Variants in CACNG3 observed in about 807,000 individuals in gnomAD.
CACNG3 encodes voltage-dependent calcium channel gamma-3 subunit.
CACNG3 carries 3 observed loss-of-function variants against 28.5 expected under a neutral mutation model. The observed-to-expected ratio is 0.11, with a 90% CI of 0.05 to 0.27. CACNG3 has a LOEUF of 0.27. Ranked by LOEUF, CACNG3 falls within the 10% of genes least tolerant of loss-of-function variation. CACNG3 has a pLI of 1.00. For synonymous variants in CACNG3, 174 were observed against 162.2 expected (o/e 1.07, Z -0.55); for missense variants, 236 against 414.4 (o/e 0.57, Z 3.74).
intron 1 of CACNG3, among the ~76,000 whole-genome samples, chr16:24,337,257 T>C (rs2141376204): frequency 1.3e-5 from 2 of 152,268 alleles, no homozygotes; most frequent in South Asian, 4.1e-4. Flanking sequence ...ACTACCCCTC[T>C]AGAGGTCAGA....
At chr16:24,317,288 T>A (rs893393298) in intron 1 of CACNG3, among the ~76,000 whole-genome samples, 2 of 152,096 alleles carry the variant, frequency 1.3e-5, no homozygotes, top group Non-Finnish European at 2.9e-5. Flanking sequence ...CCACCTGTAA[T>A]CCCAGCACTT....
At chr16:24,305,900 T>C (rs1299652467) in intron 1 of CACNG3, among the ~76,000 whole-genome samples, 1 of 152,198 alleles carries the variant, frequency 6.6e-6, no homozygotes, top group African/African-American at 2.4e-5. Context: ...CTGGAACTCC[T>C]GGCCTTAAGC....
intron 1 of CACNG3, among the ~76,000 whole-genome samples, chr16:24,292,509 C>G (rs1481932381): frequency 7.2e-5 from 11 of 152,192 alleles, no homozygotes; most frequent in African/African-American, 2.7e-4. Context: ...ATGCCAGTTT[C>G]CTTGCATCAT....
intron 1 of CACNG3, among the ~76,000 whole-genome samples, chr16:24,340,654 A>G (rs17828058): frequency 0.15 from 22,286 of 152,220 alleles, 1,883 homozygotes; most frequent in Non-Finnish European, 0.18. Context: ...ACGAACTATT[A>G]GTACAATCTT....
chr16:24,279,411 A>G (rs980352081), intron 1 of CACNG3, among the ~76,000 whole-genome samples: 1 of 152,082 alleles, frequency 6.6e-6, no homozygotes, highest in African/African-American at 2.4e-5. Flanking sequence ...CTCCCACCTC[A>G]GCCTCCTGAG....
intron 1 of CACNG3, among the ~76,000 whole-genome samples, chr16:24,332,396 T>C (rs769171533): frequency 6.6e-6 from 1 of 151,510 alleles, no homozygotes; most frequent in Non-Finnish European, 1.5e-5. Context: ...GCCTGGGAGA[T>C]TGGAGCTGCA....
chr16:24,302,345 G>T (rs1467956131), intron 1 of CACNG3, among the ~76,000 whole-genome samples: 1 of 152,206 alleles, frequency 6.6e-6, no homozygotes, highest in Non-Finnish European at 1.5e-5. Flanking sequence ...CTTGGACCAG[G>T]AGTATACAGC....
chr16:24,342,691 T>C (rs988262464), intron 1 of CACNG3, among the ~76,000 whole-genome samples: 1 of 152,200 alleles, frequency 6.6e-6, no homozygotes, highest in Non-Finnish European at 1.5e-5. Context: ...AATGAGGAAA[T>C]TGAAGCAATA....
chr16:24,264,424 C>A (rs973554595), intron 1 of CACNG3, among the ~76,000 whole-genome samples: 1 of 152,140 alleles, frequency 6.6e-6, no homozygotes, highest in African/African-American at 2.4e-5. Flanking sequence ...AAAGACTAGA[C>A]CAGAGTCAGA....
intron 1 of CACNG3, among the ~76,000 whole-genome samples, chr16:24,316,331 C>T (rs1383043860): frequency 2.6e-5 from 4 of 151,038 alleles, no homozygotes; most frequent in East Asian, 3.9e-4. Context: ...GAAACATGCC[C>T]CCACGCCTTC....
chr16:24,359,360 T>C (rs4788050), intron 3 of CACNG3, among the ~76,000 whole-genome samples: 75,528 of 151,944 alleles, frequency 0.5, 20,253 homozygotes, highest in Non-Finnish European at 0.62. Flanking sequence ...GAAGAGGAGC[T>C]GTTTGTCACC....
chr16:24,293,209 C>T (rs1450670696), intron 1 of CACNG3, among the ~76,000 whole-genome samples: 2 of 152,218 alleles, frequency 1.3e-5, no homozygotes, highest in Non-Finnish European at 2.9e-5. Context: ...AGAAGCTTAG[C>T]TCTAGTCTCA....
intron 1 of CACNG3, among the ~76,000 whole-genome samples, chr16:24,319,580 G>T (rs183283170): frequency 6.6e-6 from 1 of 150,520 alleles, no homozygotes; most frequent in Admixed American, 6.7e-5. Context: ...ATAGGCATGT[G>T]CCATGCCTGG....
At chr16:24,300,298 G>A (rs754925037) in intron 1 of CACNG3, among the ~76,000 whole-genome samples, 1 of 152,074 alleles carries the variant, frequency 6.6e-6, no homozygotes, top group Admixed American at 6.5e-5. Context: ...TCTCGAATCT[G>A]TACACAGGGG....
intron 1 of CACNG3, among the ~76,000 whole-genome samples, chr16:24,333,812 A>G (rs1399786781): frequency 6.6e-6 from 1 of 152,224 alleles, no homozygotes; most frequent in Non-Finnish European, 1.5e-5. Context: ...ACTGCACTCC[A>G]GTCTGGTGAC....
intron 1 of CACNG3, among the ~76,000 whole-genome samples, chr16:24,307,559 A>G (rs1321159868): frequency 6.6e-6 from 1 of 152,140 alleles, no homozygotes; most frequent in Non-Finnish European, 1.5e-5. Context: ...TCTTCCCAAG[A>G]GTCCATCCCA....
chr16:24,359,616 T>C lies in CACNG3; in HGVS notation c.437-1736T>C, dbSNP rs1385758327. Among the ~76,000 whole-genome samples the C allele has an allele frequency of 1.5e-4, 23 of 152,000 alleles. 1 individual carries two copies. On this transcript the variant is annotated intron_variant, in intron 3 of 3. Coordinates refer to ENST00000005284, the MANE Select transcript of CACNG3 (RefSeq NM_006539.4). Reference sequence around the variant, plus strand: ...ATGGCTCATGTCTGTAATCCCAACATTTTGAGAGGCCAGGGTGGGAGGATC... The same window carrying C: ...ATGGCTCATGTCTGTAATCCCAACACTTTGAGAGGCCAGGGTGGGAGGATC...
At chr16:24,312,695 G>A (rs1018107887) in intron 1 of CACNG3, among the ~76,000 whole-genome samples, 2 of 151,636 alleles carry the variant, frequency 1.3e-5, no homozygotes, top group African/African-American at 4.9e-5. Context: ...GCACACACCT[G>A]CAGTCCCAGC....
chr16:24,346,941 C>T (rs1899877845), intron 2 of CACNG3, 124 bp downstream of exon 2: 1 of 704,768 alleles, frequency 1.4e-6, no homozygotes, highest in Non-Finnish European at 2.5e-6. Context: ...GCAAAGAAGC[C>T]CCATGTGCCA....
Sources: gnomAD v4.1 joint callset for allele counts (sites outside exome capture counted in the v4.1 genomes callset) on GRCh38, gnomAD v4.1.1 for gene constraint, MANE v1.5 for transcripts, NCBI Gene and HGNC (gene_info 2026-07-23, HGNC 2026-07-21) for gene names.